The following CDKL5 variants were observed in gnomAD, a reference collection of about 807,000 sequenced individuals.
The protein encoded by CDKL5 is cyclin-dependent kinase-like 5.
CDKL5 carries 8 observed loss-of-function variants against 61.7 expected under a neutral mutation model. That is an observed-to-expected ratio of 0.13 (90% CI 0.08 to 0.23). CDKL5 has a LOEUF of 0.23. Among genes scored for constraint, CDKL5 ranks in the 10% least tolerant of loss-of-function variants. CDKL5 has a pLI of 1.00. For missense variants in CDKL5, 440 were observed against 734.5 expected, an observed-to-expected ratio of 0.60 and a Z score of 4.63; for synonymous variants, 275 against 272.3, an observed-to-expected ratio of 1.01 and a Z score of -0.10.
chrX:18,628,207 G>C (rs980921931), intron 17 of CDKL5, among the ~76,000 whole-genome samples, 164 bp from the exon 18 acceptor site: 2 of 111,258 alleles, frequency 1.8e-5, no homozygotes, highest in East Asian at 5.7e-4. Context: ...ATACAGTCTT[G>C]TTTGAAAAAA....
intron 5 of CDKL5, among the ~76,000 whole-genome samples, chrX:18,576,527 C>T (rs767045282): frequency 9.0e-6 from 1 of 110,798 alleles, no homozygotes; most frequent in Non-Finnish European, 1.9e-5. Context: ...GACAGAGTAT[C>T]AACATTGTCA....
intron 1 of CDKL5, among the ~76,000 whole-genome samples, chrX:18,454,107 G>T (rs1932085053): frequency 8.9e-6 from 1 of 111,779 alleles, no homozygotes; most frequent in South Asian, 3.7e-4. Flanking sequence ...GGGTGTTCTT[G>T]TAGGAGCTCC....
Position 18,630,021 on chromosome X carries a change from G to A in CDKL5, c.*1264G>A. ...GAGACTCTTGGCTGATGGGGTGTGA[G>A]ATATATGTGTGGCATTTCTATTTCT... On this transcript the variant is annotated 3_prime_UTR_variant, in exon 18 of 18. Transcript: ENST00000623535. 1 of 753,943 alleles carries A rather than the reference G, an allele frequency of 1.3e-6. No individual in the cohort carries two copies. Among genetic ancestry groups the A allele is most frequent in the African/African-American group, 2.3e-5 (1 of 43,742 alleles). 62.1% of individuals were successfully genotyped at this position (753,943 alleles called of 1,213,427 possible).
chrX:18,448,559 G>A (rs1486230435), intron 1 of CDKL5, among the ~76,000 whole-genome samples: 1 of 112,342 alleles, frequency 8.9e-6, no homozygotes, highest in Non-Finnish European at 1.9e-5. Flanking sequence ...TGCCTTCTGA[G>A]TGGTGAGATT....
rs1233303858 is a variant in CDKL5, at chrX:18,633,982, A to G, written c.*5225A>G. The G allele has an allele frequency of 8.0e-6, 6 of 752,294 alleles. No individual in the cohort carries two copies. Among genetic ancestry groups the G allele is most frequent in the African/African-American group, 2.3e-5 (1 of 43,134 alleles). The allele number at this position is 752,294 out of a possible 1,213,427, so 62.0% of individuals were successfully genotyped here. ...CATTTTGCCAGAAAAAAATTGTAAT[A>G]GTCGGCACGCTGGATTTGTAGGGCC... On this transcript the variant is annotated 3_prime_UTR_variant, in exon 18 of 18. Coordinates refer to ENST00000623535, the MANE Select transcript of CDKL5 (RefSeq NM_001323289.2).
chrX:18,605,104 C>CTT (rs372238701), intron 12 of CDKL5, among the ~76,000 whole-genome samples: 1 of 104,548 alleles, frequency 9.6e-6, no homozygotes, highest in Non-Finnish European at 2.0e-5. Context: ...TTTTAGTGAT[C>CTT]TTTTTTTTTT....
At chrX:18,613,657 C>T (rs1408786632) in intron 15 of CDKL5, among the ~76,000 whole-genome samples, 1 of 111,414 alleles carries the variant, frequency 9.0e-6, no homozygotes, top group African/African-American at 3.3e-5. Flanking sequence ...ATGCTAGTGG[C>T]AGGGACACTG....
Position 18,438,322 on chromosome X carries a change from C to T in CDKL5, c.-163+12627C>T, listed in dbSNP as rs772808500. ...CTCATGATCTGCCTGCCTTGGCCTC[C>T]CACAGTGCTGGGATTGCAGGCTTGA... On this transcript the variant is annotated intron_variant, in intron 1 of 17. Coordinates refer to ENST00000623535, the MANE Select transcript of CDKL5 (RefSeq NM_001323289.2). Among the ~76,000 whole-genome samples, 4 of 109,501 alleles carry T rather than the reference C, an allele frequency of 3.7e-5. No homozygotes were observed. The East Asian group carries it at 8.9e-4, about 24-fold the overall frequency.
chrX:18,577,581 G>A (rs1925340235), intron 5 of CDKL5, among the ~76,000 whole-genome samples: 1 of 112,355 alleles, frequency 8.9e-6, no homozygotes, highest in Admixed American at 9.4e-5. Flanking sequence ...CTCCACCACA[G>A]CGAGGTGTGA....
rs750108661 is a variant in CDKL5 at position 18,638,563 on chromosome X, C to T, written c.*9806C>T. On this transcript the variant is annotated 3_prime_UTR_variant, in exon 18 of 18. Transcript: ENST00000623535. ...ATAAAAGTTTTAGTTTTTATACATT[C>T]TGTCATGAATTGAATGAAGTAAATA... Among the ~76,000 whole-genome samples the T allele has an allele frequency of 8.9e-6, 1 of 112,437 alleles. No individual in the cohort carries two copies. The highest frequency in any genetic ancestry group is 3.2e-5 in the African/African-American group (1 of 31,040).
chrX:18,586,333 G>T (rs1368339809), intron 8 of CDKL5, among the ~76,000 whole-genome samples: 1 of 111,686 alleles, frequency 9.0e-6, no homozygotes, highest in African/African-American at 3.3e-5. Flanking sequence ...ATGGAGAAAT[G>T]AGTATGAAGT....
At position 18,566,155 on chromosome X, in the gene CDKL5, C is replaced by T. The variant is rs188125340; in HGVS notation, c.145+1633C>T. Among the ~76,000 whole-genome samples the T allele has an allele frequency of 4.3e-3, 486 of 111,841 alleles. 2 individuals are homozygous for T. In the Middle Eastern group the frequency reaches 0.046, roughly 11 times the overall value. On this transcript the variant is annotated intron_variant, in intron 4 of 17. Transcript: ENST00000623535. Reference sequence around the variant, plus strand: ...AGTACAATCTAGGCCATGTATGCCACCTTTTTTTGTTTATGAGACAGGGTC... The same window carrying T: ...AGTACAATCTAGGCCATGTATGCCATCTTTTTTTGTTTATGAGACAGGGTC...
chrX:18,648,377 G>C (rs1158537068), intron 20 of CDKL5, among the ~76,000 whole-genome samples: 1 of 110,390 alleles, frequency 9.1e-6, no homozygotes, highest in Non-Finnish European at 1.9e-5. Flanking sequence ...GAGTAGCTGG[G>C]ACCACAGGTG....
In CDKL5 at chrX:18,629,852, G is replaced by C; in HGVS notation, c.*1095G>C. On this transcript the variant is annotated 3_prime_UTR_variant, in exon 18 of 18. Transcript: ENST00000623535. The stretch of plus-strand genomic sequence containing the variant: ...CGTTACTCGTGGGTCTTTGTAGAGA[G>C]AATGTGCTCTTCCACTTAGCATTAG... 3 of 754,425 alleles carry C rather than the reference G, an allele frequency of 4.0e-6. No homozygotes were observed. The highest frequency in any genetic ancestry group is 4.7e-6 in the Non-Finnish European group (3 of 639,339). The allele number at this position is 754,425 out of a possible 1,213,427, so 62.2% of individuals were successfully genotyped here.
At chrX:18,650,324 C>T (rs1222386057) in intron 20 of CDKL5, 1 of 902,842 alleles carries the variant, frequency 1.1e-6, no homozygotes, top group Non-Finnish European at 1.6e-6. Flanking sequence ...CTCTCACTGT[C>T]ACCTTGGCTT....
intron 9 of CDKL5, chrX:18,588,720 C>T (rs1436600530): frequency 9.0e-6 from 1 of 110,835 alleles, no homozygotes; most frequent in Non-Finnish European, 1.9e-5. Flanking sequence ...CGAGACCAGC[C>T]TGGCCAACTT....
intron 1 of CDKL5, among the ~76,000 whole-genome samples, chrX:18,482,184 A>G (rs1171276718): frequency 9.0e-6 from 1 of 111,160 alleles, no homozygotes; most frequent in Non-Finnish European, 1.9e-5. Flanking sequence ...GTACCAGTTA[A>G]GGTTGTTTTG....
chrX:18,440,672 T>C (rs182589248), intron 1 of CDKL5, among the ~76,000 whole-genome samples: 2 of 111,899 alleles, frequency 1.8e-5, no homozygotes, highest in East Asian at 5.6e-4. Flanking sequence ...GGCGTTTCAC[T>C]GTGTTGGTCA....
chrX:18,618,389 C>T (rs780038446), intron 15 of CDKL5, among the ~76,000 whole-genome samples: 1 of 111,541 alleles, frequency 9.0e-6, no homozygotes, highest in African/African-American at 3.3e-5. Context: ...ATAGTATTGC[C>T]ATTTCTACTA....
Sources: allele counts gnomAD v4.1 joint callset (sites outside exome capture counted in the v4.1 genomes callset), GRCh38; gene constraint gnomAD v4.1.1; transcripts MANE v1.5; gene names NCBI Gene and HGNC (gene_info 2026-07-23, HGNC 2026-07-21).